IL7: variants seen among roughly 807,000 people sequenced by gnomAD.
The protein encoded by IL7 is interleukin 7.
A neutral mutation model predicts 21.6 loss-of-function variants in IL7; 3 were observed. The observed-to-expected ratio is 0.14, with a 90% CI of 0.06 to 0.36. IL7 has a LOEUF of 0.36. Ranked by LOEUF, IL7 falls within the 10% of genes least tolerant of loss-of-function variation. The pLI is 1.00. For missense variants in IL7, 175 were observed against 200.2 expected (o/e 0.87, Z 0.76); for synonymous variants, 62 against 68.1 (o/e 0.91, Z 0.44).
At chr8:78,767,211 TGTGA>T (rs904933276) in intron 2 of IL7, among the ~76,000 whole-genome samples, 4 of 151,930 alleles carry the variant, frequency 2.6e-5, no homozygotes, top group African/African-American at 4.8e-5. Context: ...GTGCATACAG[TGTGA>T]GTGAGTGTGT....
chr8:78,761,794 A>G (rs1812569110), intron 2 of IL7: 1 of 1,611,922 alleles, frequency 6.2e-7, no homozygotes, highest in Non-Finnish European at 8.5e-7. Context: ...CCTCTTCACC[A>G]GAATTTATCC....
chr8:78,734,539 C>T (rs924562840), intron 5 of IL7, among the ~76,000 whole-genome samples: 1 of 152,104 alleles, frequency 6.6e-6, no homozygotes, highest in Non-Finnish European at 1.5e-5. Context: ...TAAAGCATAC[C>T]AGTGACTTTT....
At chr8:78,766,215 G>T (rs1010633661) in intron 2 of IL7, among the ~76,000 whole-genome samples, 2 of 152,096 alleles carry the variant, frequency 1.3e-5, no homozygotes, top group Non-Finnish European at 2.9e-5. Flanking sequence ...AATGAACAGT[G>T]AAGTTGTTAG....
chr8:78,803,053 G>A (rs762713835), intron 1 of IL7, among the ~76,000 whole-genome samples: 3 of 152,184 alleles, frequency 2.0e-5, no homozygotes, highest in Non-Finnish European at 4.4e-5. Context: ...AATATGACAC[G>A]TAAGTTCGTT....
At chr8:78,763,529 A>T (rs1812648465) in intron 2 of IL7, among the ~76,000 whole-genome samples, 2 of 152,204 alleles carry the variant, frequency 1.3e-5, no homozygotes, top group Admixed American at 1.3e-4. Flanking sequence ...AACAGATAAT[A>T]AACAAATATT....
chr8:78,754,141 A>G (rs529109116), intron 2 of IL7, among the ~76,000 whole-genome samples: 1 of 152,332 alleles, frequency 6.6e-6, no homozygotes, highest in East Asian at 1.9e-4. Flanking sequence ...TTGTATATTT[A>G]GAAAACCTCA....
downstream of IL7, chr8:78,717,306 C>CTTT (rs1469949599): frequency 6.3e-7 from 1 of 1,596,232 alleles, no homozygotes; most frequent in African/African-American, 1.4e-5. Flanking sequence ...TTTATCTTTT[C>CTTT]ATTGTTTCTT....
intron 2 of IL7, among the ~76,000 whole-genome samples, chr8:78,793,094 A>G (rs1425783606): frequency 6.6e-6 from 1 of 152,140 alleles, no homozygotes; most frequent in Non-Finnish European, 1.5e-5. Flanking sequence ...AATTTTAAAA[A>G]CATTATACTA....
intron 2 of IL7, among the ~76,000 whole-genome samples, chr8:78,796,464 C>A (rs1813856713): frequency 6.6e-6 from 1 of 151,760 alleles, no homozygotes; most frequent in Non-Finnish European, 1.5e-5. Context: ...TAATTATTTA[C>A]AAATGTTGTC....
At chr8:78,800,508 C>T (rs1322449975) in intron 1 of IL7, among the ~76,000 whole-genome samples, 2 of 152,154 alleles carry the variant, frequency 1.3e-5, no homozygotes, top group African/African-American at 4.8e-5. Context: ...CTCTTTTGTA[C>T]AGACTGGTCT....
At chr8:78,739,152 C>CA (rs1025209227) in intron 3 of IL7, among the ~76,000 whole-genome samples, 21 of 152,014 alleles carry the variant, frequency 1.4e-4, no homozygotes, top group African/African-American at 5.1e-4. Flanking sequence ...TGTGAGATGC[C>CA]ATGAGGCTAA....
intron 1 of IL7, among the ~76,000 whole-genome samples, chr8:78,804,604 G>A (rs1814240305): frequency 6.6e-6 from 1 of 152,192 alleles, no homozygotes; most frequent in Non-Finnish European, 1.5e-5. Flanking sequence ...TTCTGAGACC[G>A]GCTGTGGGCT....
chr8:78,762,247 T>G, intron 2 of IL7: 2 of 1,578,732 alleles, frequency 1.3e-6, no homozygotes, highest in East Asian at 2.2e-5. Context: ...TCTCAAAATG[T>G]TTGGCACATA....
chr8:78,708,686 T>A (rs1484121691), intron 3 of IL7, among the ~76,000 whole-genome samples: 2 of 150,402 alleles, frequency 1.3e-5, no homozygotes, highest in African/African-American at 2.4e-5. Context: ...TTTTTTTCTT[T>A]TTTTTTTTTT....
intron 4 of IL7, chr8:78,678,536 A>T (rs1809659384): frequency 6.4e-7 from 1 of 1,558,114 alleles, no homozygotes. Flanking sequence ...AAAGAAAATG[A>T]TAGGCTGCAT....
chr8:78,732,968 A>C lies in IL7; in HGVS notation c.*745T>G, dbSNP rs1811459771. On this transcript the variant is annotated 3_prime_UTR_variant, in exon 6 of 6. Transcript: ENST00000263851. ...TTGCAAACTTATTTAGACAAGTTAT[A>C]ATCTATATAAATGACAATGTAACTC... is the stretch of plus-strand genomic sequence containing the variant. 1 of 152,102 alleles carries C rather than the reference A, an allele frequency of 6.6e-6. No homozygotes were observed. The highest frequency in any genetic ancestry group is 1.5e-5 in the Non-Finnish European group (1 of 67,978). The allele number at this position is 152,102 out of a possible 1,614,324, so 9.4% of individuals were successfully genotyped here.
At chr8:78,715,061 AACT>A (rs1288410695), downstream of IL7, among the ~76,000 whole-genome samples, 1 of 152,222 alleles carries the variant, frequency 6.6e-6, no homozygotes, top group African/African-American at 2.4e-5. Flanking sequence ...CTTTAATATT[AACT>A]ACTATTTGCT....
intron 3 of IL7, among the ~76,000 whole-genome samples, chr8:78,691,528 G>T (rs1810211082): frequency 6.6e-6 from 1 of 151,864 alleles, no homozygotes; most frequent in South Asian, 2.1e-4. Flanking sequence ...ATCAAATCTA[G>T]TAACTTCATC....
intron 2 of IL7, among the ~76,000 whole-genome samples, chr8:78,788,812 G>C (rs1017898478): frequency 1.3e-5 from 2 of 152,160 alleles, no homozygotes; most frequent in African/African-American, 4.8e-5. Flanking sequence ...GTCAATTACT[G>C]ACAGAAGGCT....
Sources: gnomAD v4.1 joint callset for allele counts (sites outside exome capture counted in the v4.1 genomes callset) on GRCh38, gnomAD v4.1.1 for gene constraint, MANE v1.5 for transcripts, NCBI Gene and HGNC (gene_info 2026-07-23, HGNC 2026-07-21) for gene names.